Variants in NRCAM observed in about 807,000 individuals in gnomAD.
NRCAM encodes the protein neuronal cell adhesion molecule.
Under a neutral mutation model 156.5 loss-of-function variants are expected in NRCAM, and 83 were observed. The ratio of observed to expected loss-of-function variants is 0.53; its 90% CI spans 0.44 to 0.64. The LOEUF is 0.64. NRCAM is among the 30% of genes least tolerant of loss of function. The probability of loss-of-function intolerance (pLI) is 0.00; values close to 1 mark genes in which losing one functional copy is unlikely to be tolerated. For missense variants in NRCAM, 1,417 were observed against 1,597.3 expected (o/e 0.89, Z 1.92); for synonymous variants, 538 against 563.9 (o/e 0.95, Z 0.65).
Position 108,149,931 on chromosome 7 carries a change from G to T in NRCAM, c.3894C>A (p.Asn1298Lys). The change falls in exon 33 of 33, where the codon AAC (asparagine) becomes AAA (lysine). Residue 1298 changes from asparagine to lysine, a missense_variant. Transcript: ENST00000379028. ...NESSEAPSPVNAMNSFV is the reference protein window; with the variant it reads ...NESSEAPSPVKAMNSFV ...AAAATTAAACAAAGGAATTCATGGC[G>T]TTGACAGGAGAAGGTGCCTCTGAGC... 1 of 1,610,616 alleles carries T rather than the reference G, an allele frequency of 6.2e-7. No homozygotes were observed. The highest frequency in any genetic ancestry group is 8.5e-7 in the Non-Finnish European group (1 of 1,179,080).
chr7:108,207,637 G>A lies in NRCAM; in HGVS notation c.1098C>T (p.Ala366=), dbSNP rs2081864518. The change falls in exon 13 of 33, where the codon GCC becomes GCT. Residue 366 remains alanine, a synonymous_variant. Transcript: ENST00000379028. ...RVKAAPYWIT[A]PQNLVLSPGE... ...CTGGGGACAGCACAAGATTTTGAGG[G>A]GCTGTGATCCAGTATGGAGCCGCTT... 1 of 1,613,198 alleles carries A rather than the reference G, an allele frequency of 6.2e-7. No individual in the cohort carries two copies. Among genetic ancestry groups the A allele is most frequent in the Non-Finnish European group, 8.5e-7 (1 of 1,179,632 alleles).
chr7:108,345,517 A>G (rs2099346717), intron 2 of NRCAM, among the ~76,000 whole-genome samples: 1 of 152,234 alleles, frequency 6.6e-6, no homozygotes, highest in African/African-American at 2.4e-5. Flanking sequence ...CCACATTCAT[A>G]TAGTGAAACC....
In NRCAM at chr7:108,176,467, A is replaced by T; in HGVS notation, c.3114T>A (p.Ser1038Arg). 6.2e-7 allele frequency: 1 copy of T among 1,613,562 alleles called. No homozygotes were observed. The highest frequency in any genetic ancestry group is 1.7e-5 in the Admixed American group (1 of 60,014). ...FYAQTSAGSG[S>R]QITEEAVTTV... ...TTGTTACTGCTTCCTCTGTAATTTG[A>T]CTTCCTGATCCTGCTGATGTTTGTG... is the stretch of plus-strand genomic sequence containing the variant. Residue 1038 changes from serine (S) to arginine (R), a missense_variant, in exon 27 of 33, where the codon AGT (serine) becomes AGA (arginine). This residue lies in a region of NRCAM where 1,238 missense variants were observed against 1,336.4 expected (regional missense o/e 0.93). Coordinates refer to ENST00000379028, the MANE Select transcript of NRCAM (RefSeq NM_001037132.4).
intron 26 of NRCAM, among the ~76,000 whole-genome samples, chr7:108,177,624 AATATATATATAT>A (rs59391934): frequency 0.019 from 1,542 of 80,418 alleles, 40 homozygotes; most frequent in African/African-American, 0.046. Context: ...CTCCATCTCA[AATATATATATAT>A]ATATATATAT....
intron 14 of NRCAM, among the ~76,000 whole-genome samples, chr7:108,197,687 G>T (rs2075878449): frequency 6.6e-6 from 1 of 152,144 alleles, no homozygotes; most frequent in South Asian, 2.1e-4. Flanking sequence ...CCTTTTGAGG[G>T]TTTGACACTT....
chr7:108,231,185 T>G, intron 7 of NRCAM, 32 bp from the exon 8 acceptor site: 1 of 1,525,696 alleles, frequency 6.6e-7, no homozygotes, highest in Non-Finnish European at 8.8e-7. Context: ...TCTCAGTTAT[T>G]TCTGCATTGA....
chr7:108,436,509 T>C (rs1832400858), intron 1 of NRCAM, among the ~76,000 whole-genome samples: 1 of 152,228 alleles, frequency 6.6e-6, no homozygotes, highest in Admixed American at 6.5e-5. Flanking sequence ...GGTTAATTTC[T>C]TGGGAATAGA....
chr7:108,150,190 G>T, intron 32 of NRCAM, 43 bp from the exon 33 acceptor site: 1 of 1,513,860 alleles, frequency 6.6e-7, no homozygotes, highest in Non-Finnish European at 9.0e-7. Context: ...TGGCATTTAG[G>T]TAACATTTTC....
chr7:108,286,671 T>A (rs1323702114), intron 3 of NRCAM, among the ~76,000 whole-genome samples: 1 of 152,180 alleles, frequency 6.6e-6, no homozygotes, highest in African/African-American at 2.4e-5. Context: ...CAGACACAGC[T>A]ATTAAGTGGA....
At chr7:108,218,175 G>GC (rs1394695093) in intron 11 of NRCAM, among the ~76,000 whole-genome samples, 6 of 46,650 alleles carry the variant, frequency 1.3e-4, no homozygotes, top group Admixed American at 2.1e-4. Flanking sequence ...CCCTTGGCTG[G>GC]GGGGGGGGGG....
intron 2 of NRCAM, among the ~76,000 whole-genome samples, chr7:108,358,777 G>T (rs914212852): frequency 6.6e-6 from 1 of 152,154 alleles, no homozygotes; most frequent in African/African-American, 2.4e-5. Flanking sequence ...ACTGCCTCTG[G>T]GTATGTGAAT....
intron 1 of NRCAM, among the ~76,000 whole-genome samples, chr7:108,450,618 A>G (rs1849223597): frequency 6.6e-6 from 1 of 152,046 alleles, no homozygotes; most frequent in African/African-American, 2.4e-5. Flanking sequence ...TGGCAGTAAA[A>G]AAAGCATATT....
At chr7:108,374,798 A>G (rs1423882353) in intron 2 of NRCAM, among the ~76,000 whole-genome samples, 1 of 152,152 alleles carries the variant, frequency 6.6e-6, no homozygotes, top group Admixed American at 6.6e-5. Flanking sequence ...GGGTATGCGT[A>G]GGCTCATGAT....
At chr7:108,402,883 T>C (rs1212365951) in intron 1 of NRCAM, among the ~76,000 whole-genome samples, 1 of 152,244 alleles carries the variant, frequency 6.6e-6, no homozygotes, top group Non-Finnish European at 1.5e-5. Context: ...CAGCTCTTTC[T>C]GGGATTTAGT....
chr7:108,273,064 A>T (rs957751456), intron 3 of NRCAM, among the ~76,000 whole-genome samples: 1 of 152,202 alleles, frequency 6.6e-6, no homozygotes, highest in African/African-American at 2.4e-5. Flanking sequence ...ATGTCCCTAC[A>T]AAGGACATGA....
intron 1 of NRCAM, among the ~76,000 whole-genome samples, chr7:108,435,468 G>A (rs957352815): frequency 6.6e-6 from 1 of 152,078 alleles, no homozygotes; most frequent in Admixed American, 6.5e-5. Flanking sequence ...CAGAGGAGAG[G>A]GGGAGAAGAG....
chr7:108,253,329 G>C (rs943561165), intron 3 of NRCAM, among the ~76,000 whole-genome samples: 1 of 152,198 alleles, frequency 6.6e-6, no homozygotes, highest in African/African-American at 2.4e-5. Flanking sequence ...GGAGCAGAAA[G>C]TAAGATGTAT....
At chr7:108,175,387 C>G (rs1466623636) in intron 27 of NRCAM, 30 bp from the exon 28 acceptor site, 2 of 1,547,676 alleles carry the variant, frequency 1.3e-6, no homozygotes, top group Admixed American at 3.9e-5. Flanking sequence ...AAATAGGACA[C>G]TATATAGTTA....
chr7:108,406,919 T>C (rs2154404021), intron 1 of NRCAM, among the ~76,000 whole-genome samples: 2 of 152,344 alleles, frequency 1.3e-5, no homozygotes, highest in Middle Eastern at 3.4e-3. Context: ...TCTTCCTTCA[T>C]TTCTACTGGA....
Sources: gnomAD v4.1 joint callset for allele counts (sites outside exome capture counted in the v4.1 genomes callset) on GRCh38, gnomAD v4.1.1 for gene constraint, gnomAD v4.1.1 regional missense constraint, MANE v1.5 for transcripts, NCBI Gene and HGNC (gene_info 2026-07-23, HGNC 2026-07-21) for gene names.